The following SLC22A25 variants were observed in gnomAD, a reference collection of about 807,000 sequenced individuals.
SLC22A25 encodes the protein MGI:2442751, MGI:2385316, MGI:3042283, MGI:3645714, MGI:3605624, MGI:2442750.
SLC22A25 carries 44 observed loss-of-function variants against 45.9 expected under a neutral mutation model. That is an observed-to-expected ratio of 0.96 (90% CI 0.75 to 1.23). SLC22A25 has a LOEUF of 1.23. Ranked by LOEUF, SLC22A25 falls within the 50% of genes most tolerant of loss-of-function variation. SLC22A25 has a pLI of 0.00. For synonymous variants in SLC22A25, 283 were observed against 238.6 expected (o/e 1.19, Z -1.72); for missense variants, 800 against 666.4 (o/e 1.20, Z -2.21).
In SLC22A25 at chr11:63,159,749, G is replaced by T. The variant is rs2087519627; in HGVS notation, c.*4075C>A. On this transcript the variant is annotated 3_prime_UTR_variant, in exon 12 of 12. Transcript: ENST00000306494. ...GAAGAAGACAGGAAAATGTTGGAAAGTTTGGAACTTCCTAGAGACTTGTTG... is the reference window on the plus strand; with the variant it reads ...GAAGAAGACAGGAAAATGTTGGAAATTTTGGAACTTCCTAGAGACTTGTTG... Among the ~76,000 whole-genome samples, 1 of 152,206 alleles carries T rather than the reference G, an allele frequency of 6.6e-6. No individual in the cohort carries two copies. The highest frequency in any genetic ancestry group is 6.5e-5 in the Admixed American group (1 of 15,282).
chr11:63,222,056 G>C (rs1565118281), intron 5 of SLC22A25, among the ~76,000 whole-genome samples: 1 of 152,102 alleles, frequency 6.6e-6, no homozygotes, highest in Admixed American at 6.5e-5. Context: ...TGGAAGTCAG[G>C]TAATGTGATT....
At chr11:63,187,318 G>A (rs954638740) in intron 7 of SLC22A25, among the ~76,000 whole-genome samples, 1 of 152,130 alleles carries the variant, frequency 6.6e-6, no homozygotes, top group Non-Finnish European at 1.5e-5. Flanking sequence ...TTGCGAATGG[G>A]AGTTCACTCA....
chr11:63,200,917 A>G (rs1192309607), intron 7 of SLC22A25, among the ~76,000 whole-genome samples: 1 of 152,194 alleles, frequency 6.6e-6, no homozygotes, highest in East Asian at 1.9e-4. Flanking sequence ...ATTGCCACAA[A>G]AAGAATAAAA....
chr11:63,188,922 A>G lies in SLC22A25; in HGVS notation c.831-5105T>C, dbSNP rs538166624. On this transcript the variant is annotated intron_variant, in intron 7 of 11. Coordinates refer to ENST00000306494, the MANE Select transcript of SLC22A25 (RefSeq NM_199352.6). ...TGTGGTCTGAGAGACAGTTTGTTAT[A>G]ATTTCTGTTCTTTTACATTTGCTGA... 3.8e-3 allele frequency among the ~76,000 whole-genome samples: 575 copies of G among 150,854 alleles called. 5 individuals are homozygous for G. Among genetic ancestry groups the G allele is most frequent in the African/African-American group, 0.013 (537 of 41,062 alleles).
intron 7 of SLC22A25, among the ~76,000 whole-genome samples, chr11:63,201,474 A>T (rs989388679): frequency 3.9e-5 from 6 of 152,154 alleles, no homozygotes; most frequent in African/African-American, 1.4e-4. Context: ...ACTAAAACTG[A>T]ACTCCTTACT....
chr11:63,232,682 T>G (rs527624264), intron 3 of SLC22A25, among the ~76,000 whole-genome samples: 8 of 151,908 alleles, frequency 5.3e-5, no homozygotes, highest in African/African-American at 1.9e-4. Flanking sequence ...TGAATAGGAG[T>G]GGTGAGAGAG....
chr11:63,186,549 T>C (rs1398289237), intron 7 of SLC22A25, among the ~76,000 whole-genome samples: 1 of 152,150 alleles, frequency 6.6e-6, no homozygotes, highest in Non-Finnish European at 1.5e-5. Context: ...TTTAGTTTAA[T>C]TAGATTCCAT....
intron 7 of SLC22A25, among the ~76,000 whole-genome samples, chr11:63,200,868 C>T (rs552174085): frequency 7.9e-5 from 12 of 152,178 alleles, no homozygotes; most frequent in African/African-American, 2.4e-4. Flanking sequence ...CAACAACAGC[C>T]AAGCCAAGAG....
chr11:63,171,774 A>G (rs746198228), intron 9 of SLC22A25, among the ~76,000 whole-genome samples: 44 of 152,296 alleles, frequency 2.9e-4, no homozygotes, highest in Non-Finnish European at 2.5e-4. Context: ...TCAAGCTAAC[A>G]TTGACTTTTT....
intron 3 of SLC22A25, among the ~76,000 whole-genome samples, chr11:63,231,825 G>T (rs2090074518): frequency 6.6e-6 from 1 of 152,168 alleles, no homozygotes; most frequent in African/African-American, 2.4e-5. Context: ...TATAAGGAAG[G>T]GATCCAGTTT....
chr11:63,199,492 G>C (rs1406745934), intron 7 of SLC22A25, among the ~76,000 whole-genome samples: 1 of 152,064 alleles, frequency 6.6e-6, no homozygotes, highest in Non-Finnish European at 1.5e-5. Flanking sequence ...CTACAGAAGA[G>C]ACAGGATATA....
In SLC22A25 at chr11:63,161,224, T is replaced by C. The variant is rs1047482357; in HGVS notation, c.*2600A>G. On this transcript the variant is annotated 3_prime_UTR_variant, in exon 12 of 12. Coordinates refer to ENST00000306494, the MANE Select transcript of SLC22A25 (RefSeq NM_199352.6). Reference sequence around the variant, plus strand: ...TATTTATCCAATGCCTGTACCCCCATTGTATCTAGGAAGTAACCAATTTCT... The same window carrying C: ...TATTTATCCAATGCCTGTACCCCCACTGTATCTAGGAAGTAACCAATTTCT... Among the ~76,000 whole-genome samples the C allele has an allele frequency of 6.6e-6, 1 of 152,164 alleles. No individual in the cohort carries two copies. The highest frequency in any genetic ancestry group is 2.4e-5 in the African/African-American group (1 of 41,438).
rs146998514 is a variant in SLC22A25, at chr11:63,163,926, G to A, written c.1542C>T (p.Leu514=). Residue 514 remains leucine (L), a synonymous_variant, in exon 12 of 12, where the codon CTC becomes CTT. Transcript: ENST00000306494. The stretch of plus-strand genomic sequence containing the variant: ...GAGGCTGGTTCCTGGTTTCAGGAAG[G>A]AGGAGGACAACAAGGCCAGAGAGGA... ...FAILSGLVVL[L]LPETRNQPLL... is the part of the protein sequence containing the mutation. The A allele has an allele frequency of 3.7e-5, 59 of 1,613,902 alleles. No homozygotes were observed. In the African/African-American group the frequency reaches 7.5e-4, roughly 20 times the overall value.
intron 5 of SLC22A25, chr11:63,218,337 G>A: frequency 1.2e-5 from 3 of 257,326 alleles, no homozygotes; most frequent in Non-Finnish European, 2.3e-5. Context: ...AATAGATGCT[G>A]GGGACTACAA....
intron 9 of SLC22A25, among the ~76,000 whole-genome samples, chr11:63,179,819 T>C (rs2088253357): frequency 6.6e-6 from 1 of 152,196 alleles, no homozygotes; most frequent in East Asian, 1.9e-4. Flanking sequence ...CACAGCTTTC[T>C]TTTGTACTCA....
At chr11:63,199,108 A>G (rs2089155517) in intron 7 of SLC22A25, among the ~76,000 whole-genome samples, 1 of 152,036 alleles carries the variant, frequency 6.6e-6, no homozygotes, top group Non-Finnish European at 1.5e-5. Flanking sequence ...ATGAACTAAT[A>G]AAGATTCATT....
chr11:63,236,306 C>T lies in SLC22A25; in HGVS notation c.-445+1575G>A, dbSNP rs563367018. ...TGGGCTCCACCCAGTTCGAGCTTCC[C>T]GGCAGCTTTGTTTACCTACTCAAGC... On this transcript the variant is annotated intron_variant, in intron 3 of 11. Transcript: ENST00000306494. Among the ~76,000 whole-genome samples the T allele has an allele frequency of 8.8e-4, 134 of 152,282 alleles. No individual in the cohort carries two copies. In the Middle Eastern group the frequency reaches 0.01, roughly 12 times the overall value.
intron 7 of SLC22A25, among the ~76,000 whole-genome samples, chr11:63,201,994 G>A (rs1280398516): frequency 6.6e-6 from 1 of 152,114 alleles, no homozygotes; most frequent in Non-Finnish European, 1.5e-5. Context: ...CTCACAGAGG[G>A]TGAGCAGAAG....
rs2087526003 is a variant in SLC22A25, at chr11:63,160,656, T to C, written c.*3168A>G. Among the ~76,000 whole-genome samples the C allele has an allele frequency of 6.6e-6, 1 of 152,048 alleles. No individual in the cohort carries two copies. Among genetic ancestry groups the C allele is most frequent in the Non-Finnish European group, 1.5e-5 (1 of 68,010 alleles). ...GGTCTTCGACCTCCAGACCCCAGAA[T>C]TGTAAAGGCATTGACAGCTTGCACT... On this transcript the variant is annotated 3_prime_UTR_variant, in exon 12 of 12. Transcript: ENST00000306494.
Sources: gnomAD v4.1 joint callset for allele counts (sites outside exome capture counted in the v4.1 genomes callset) on GRCh38, gnomAD v4.1.1 for gene constraint, MANE v1.5 for transcripts, NCBI Gene and HGNC (gene_info 2026-07-23, HGNC 2026-07-21) for gene names.